The following ELL variants were observed in gnomAD, a reference collection of about 807,000 sequenced individuals.
The protein encoded by ELL is elongation factor for RNA polymerase II, also known as RNA polymerase II elongation factor ELL.
In ELL, 18 loss-of-function variants were observed where a neutral mutation model predicts 64.0. The ratio of observed to expected loss-of-function variants is 0.28; its 90% CI spans 0.19 to 0.42. The LOEUF is 0.42. Among genes scored for constraint, ELL ranks in the 10% least tolerant of loss-of-function variants. The probability of loss-of-function intolerance (pLI) is 1.00; values close to 1 mark genes in which losing one functional copy is unlikely to be tolerated. For missense variants in ELL, 797 were observed against 870.4 expected (o/e 0.92, Z 1.06); for synonymous variants, 399 against 376.2 (o/e 1.06, Z -0.70).
intron 10 of ELL, chr19:18,446,103 G>T: frequency 1.6e-6 from 1 of 620,876 alleles, no homozygotes; most frequent in Non-Finnish European, 2.7e-6. Context: ...TGACAAGCTG[G>T]GCTGCCTTCA....
At position 18,442,908 on chromosome 19, in the gene ELL, T is replaced by C; in HGVS notation, c.*1844A>G. 4.3e-6 allele frequency: 1 copy of C among 230,034 alleles called. No homozygotes were observed. The highest frequency in any genetic ancestry group is 8.6e-6 in the Non-Finnish European group (1 of 115,794). 14.2% of individuals were successfully genotyped at this position (230,034 alleles called of 1,614,324 possible). On this transcript the variant is annotated 3_prime_UTR_variant, in exon 12 of 12. Coordinates refer to ENST00000262809, the MANE Select transcript of ELL (RefSeq NM_006532.4). ...AATAGTATCAATAAGTTAGACCATATTTAATCAGCTAGAACTTTGTCCACC... is the reference window on the plus strand; with the variant it reads ...AATAGTATCAATAAGTTAGACCATACTTAATCAGCTAGAACTTTGTCCACC...
At chr19:18,466,132 T>C (rs1974931043) in intron 2 of ELL, among the ~76,000 whole-genome samples, 1 of 152,196 alleles carries the variant, frequency 6.6e-6, no homozygotes, top group Non-Finnish European at 1.5e-5. Flanking sequence ...CAGGCACCTA[T>C]GCGGGTGGGC....
intron 1 of ELL, among the ~76,000 whole-genome samples, chr19:18,516,782 C>T (rs1441420855): frequency 6.6e-6 from 1 of 152,100 alleles, no homozygotes; most frequent in Non-Finnish European, 1.5e-5. Flanking sequence ...CACCAGGATC[C>T]TCACAGCCCT....
At chr19:18,455,465 G>A (rs1233112464) in intron 6 of ELL, among the ~76,000 whole-genome samples, 2 of 150,966 alleles carry the variant, frequency 1.3e-5, no homozygotes, top group South Asian at 2.1e-4. Flanking sequence ...ACTCCAGCCT[G>A]CGTGACAGAG....
chr19:18,461,629 C>T lies in ELL; in HGVS notation c.693G>A (p.Lys231=). 1 of 1,610,760 alleles carries T rather than the reference C, an allele frequency of 6.2e-7. No homozygotes were observed. Among genetic ancestry groups the T allele is most frequent in the Non-Finnish European group, 8.5e-7 (1 of 1,179,926 alleles). ...CCTTGTCCGCCTGCGTCAGGCCGTCCTTCTGCAGTCGCAGCAGCAGCTCAG... is the reference window on the plus strand; with the variant it reads ...CCTTGTCCGCCTGCGTCAGGCCGTCTTTCTGCAGTCGCAGCAGCAGCTCAG... ...RKAELLLRLQ[K]DGLTQADKDA... is the part of the protein sequence containing the mutation. Residue 231 remains lysine (K), a synonymous_variant, in exon 5 of 12, where the codon AAG becomes AAA. Transcript: ENST00000262809.
chr19:18,461,294 C>T (rs1296653165), intron 5 of ELL, among the ~76,000 whole-genome samples: 1 of 152,246 alleles, frequency 6.6e-6, no homozygotes, highest in Non-Finnish European at 1.5e-5. Context: ...GGCCCCACGG[C>T]CCGTGTGTCA....
In ELL at chr19:18,483,291, C is replaced by T. The variant is rs1316582245; in HGVS notation, c.136-10409G>A. ...CTCCCTGGATATTCCCCGGATGCCA[C>T]CGCCCACCTGGCAGTTGCAGTGCAG... On this transcript the variant is annotated intron_variant, in intron 1 of 11. Coordinates refer to ENST00000262809, the MANE Select transcript of ELL (RefSeq NM_006532.4). Among the ~76,000 whole-genome samples, 3 of 152,306 alleles carry T rather than the reference C, an allele frequency of 2.0e-5. No homozygotes were observed. The South Asian group carries it at 6.2e-4, about 32-fold the overall frequency.
chr19:18,447,916 G>A (rs1277750363), intron 8 of ELL, among the ~76,000 whole-genome samples: 1 of 151,530 alleles, frequency 6.6e-6, no homozygotes, highest in East Asian at 1.9e-4. Flanking sequence ...TCCCAAGTAG[G>A]TGAGACTACA....
chr19:18,458,177 CA>C, intron 6 of ELL, 27 bp downstream of exon 6: 1 of 1,603,856 alleles, frequency 6.2e-7, no homozygotes, highest in Admixed American at 1.7e-5. Flanking sequence ...CGGGTGGGGA[CA>C]TGCTGGGGGA....
Position 18,519,085 on chromosome 19 carries a change from G to A in ELL, c.135+2836C>T, listed in dbSNP as rs536934451. Among the ~76,000 whole-genome samples, 9 of 151,550 alleles carry A rather than the reference G, an allele frequency of 5.9e-5. No homozygotes were observed. The South Asian group carries it at 1.5e-3, about 25-fold the overall frequency. ...CACAATTAAAAACTAAAAATAGGCCGGGCACGGTTGGTCACGCCTGTAATC... is the reference window on the plus strand; with the variant it reads ...CACAATTAAAAACTAAAAATAGGCCAGGCACGGTTGGTCACGCCTGTAATC... On this transcript the variant is annotated intron_variant, in intron 1 of 11. Coordinates refer to ENST00000262809, the MANE Select transcript of ELL (RefSeq NM_006532.4).
chr19:18,509,609 A>G (rs948064426), intron 1 of ELL, among the ~76,000 whole-genome samples: 7,849 of 57,712 alleles, frequency 0.14, 615 homozygotes, highest in African/African-American at 0.42. Context: ...ACACACACAC[A>G]CACACACACA....
At chr19:18,446,193 G>C in intron 10 of ELL, 116 bp downstream of exon 10, 7 of 1,283,468 alleles carry the variant, frequency 5.5e-6, no homozygotes, top group Non-Finnish European at 7.3e-6. Context: ...GAGAAGCGCT[G>C]CCTGGGGAAG....
intron 5 of ELL, among the ~76,000 whole-genome samples, chr19:18,460,204 AG>A (rs1974774849): frequency 6.6e-6 from 1 of 152,060 alleles, no homozygotes; most frequent in Non-Finnish European, 1.5e-5. Flanking sequence ...AGGGCCTGTG[AG>A]GGGCTGGAAA....
At chr19:18,448,051 G>A (rs1007367770) in intron 8 of ELL, among the ~76,000 whole-genome samples, 2 of 151,072 alleles carry the variant, frequency 1.3e-5, no homozygotes, top group South Asian at 2.1e-4. Flanking sequence ...CTTTCAAAGC[G>A]TTGGGATTAA....
intron 6 of ELL, among the ~76,000 whole-genome samples, chr19:18,455,092 G>C (rs894045330): frequency 3.4e-5 from 5 of 148,102 alleles, no homozygotes; most frequent in African/African-American, 1.3e-4. Context: ...AGTGAGCCAA[G>C]ATTGCGCCAC....
chr19:18,519,410 A>G (rs1030398484), intron 1 of ELL, among the ~76,000 whole-genome samples: 1 of 152,162 alleles, frequency 6.6e-6, no homozygotes, highest in Non-Finnish European at 1.5e-5. Flanking sequence ...TCTTCAAGCC[A>G]CCTTCCTCAA....
At chr19:18,448,456 C>G (rs916903088) in intron 8 of ELL, 2 of 152,302 alleles carry the variant, frequency 1.3e-5, no homozygotes, top group East Asian at 1.9e-4. Flanking sequence ...CCACCACCCC[C>G]ACCTGGGTTG....
intron 2 of ELL, among the ~76,000 whole-genome samples, chr19:18,469,774 GC>G (rs2144926552): frequency 1.3e-5 from 2 of 152,310 alleles, no homozygotes; most frequent in East Asian, 3.9e-4. Flanking sequence ...AGGGGGCGTT[GC>G]TTCCACCACC....
At chr19:18,479,707 T>TAAA (rs1975255729) in intron 1 of ELL, among the ~76,000 whole-genome samples, 1 of 39,216 alleles carries the variant, frequency 2.5e-5, no homozygotes, top group African/African-American at 2.8e-4. Context: ...AGACTCCATC[T>TAAA]CAAAAAAAAA....
Sources: allele counts gnomAD v4.1 joint callset (sites outside exome capture counted in the v4.1 genomes callset), GRCh38; gene constraint gnomAD v4.1.1; transcripts MANE v1.5; gene names NCBI Gene and HGNC (gene_info 2026-07-23, HGNC 2026-07-21).